COG5: variants seen among roughly 807,000 people sequenced by gnomAD.
The protein encoded by COG5 is conserved oligomeric Golgi complex subunit 5.
A neutral mutation model predicts 110.4 loss-of-function variants in COG5; 86 were observed. The ratio of observed to expected loss-of-function variants is 0.78; its 90% confidence interval spans 0.65 to 0.93. COG5 has a LOEUF of 0.93. Among genes scored for constraint, COG5 ranks in the 40% least tolerant of loss-of-function variants. The pLI is 0.00. For synonymous variants in COG5, 360 were observed against 334.6 expected, an observed-to-expected ratio of 1.08 and a Z score of -0.83; for missense variants, 1,077 against 987.0, an observed-to-expected ratio of 1.09 and a Z score of -1.22.
At chr7:107,454,178 C>A (rs1037454718) in intron 6 of COG5, among the ~76,000 whole-genome samples, 6 of 151,988 alleles carry the variant, frequency 3.9e-5, no homozygotes, top group Non-Finnish European at 5.9e-5. Context: ...AACACAGAAT[C>A]CAATATGATG....
chr7:107,295,216 C>T (rs1369994432), intron 12 of COG5, among the ~76,000 whole-genome samples: 1 of 147,436 alleles, frequency 6.8e-6, no homozygotes, highest in Non-Finnish European at 1.5e-5. Context: ...GGATTATAGG[C>T]GTGAGCCACC....
At chr7:107,363,878 C>G (rs537470005) in intron 8 of COG5, among the ~76,000 whole-genome samples, 1 of 151,846 alleles carries the variant, frequency 6.6e-6, no homozygotes, top group Middle Eastern at 3.4e-3. Context: ...TTGCTTGAAC[C>G]CAGGAGGCGG....
At chr7:107,220,263 GA>G (rs561367484) in intron 19 of COG5, among the ~76,000 whole-genome samples, 13 of 152,180 alleles carry the variant, frequency 8.5e-5, no homozygotes, top group Non-Finnish European at 1.9e-4. Flanking sequence ...ACCTATCTGA[GA>G]AAACTAATGT....
intron 19 of COG5, among the ~76,000 whole-genome samples, chr7:107,222,854 A>G (rs1800041692): frequency 6.6e-6 from 1 of 152,216 alleles, no homozygotes; most frequent in Non-Finnish European, 1.5e-5. Context: ...CTTTACAGGC[A>G]GAAGGTAGTG....
At chr7:107,267,391 A>G (rs1300960585) in intron 14 of COG5, among the ~76,000 whole-genome samples, 2 of 152,214 alleles carry the variant, frequency 1.3e-5, no homozygotes, top group Non-Finnish European at 2.9e-5. Context: ...TGAACAGCAG[A>G]TAGAATTTCT....
At chr7:107,540,111 A>G (rs1801868819) in intron 5 of COG5, among the ~76,000 whole-genome samples, 1 of 152,236 alleles carries the variant, frequency 6.6e-6, no homozygotes, top group African/African-American at 2.4e-5. Flanking sequence ...GGTTGTGCAG[A>G]TAAGCAGAAA....
At position 107,518,908 on chromosome 7, in the gene COG5, A is replaced by C. The variant is rs115368185; in HGVS notation, c.538+8329T>G. ...TTCTAAAATCAACCTCATAATTGGA[A>C]ATAAACACTTGTCAGCAAATGCAAA... On this transcript the variant is annotated intron_variant, in intron 6 of 21. Transcript: ENST00000297135. Among the ~76,000 whole-genome samples, 1,131 of 152,342 alleles carry C rather than the reference A, an allele frequency of 7.4e-3. 20 individuals are homozygous for C. The highest frequency in any genetic ancestry group is 0.026 in the African/African-American group (1,084 of 41,580).
chr7:107,536,724 G>C (rs546778487), intron 5 of COG5, among the ~76,000 whole-genome samples: 1 of 152,176 alleles, frequency 6.6e-6, no homozygotes, highest in Non-Finnish European at 1.5e-5. Context: ...TTCCCATCAA[G>C]CTACCATTGA....
At chr7:107,510,465 C>G (rs1327426950) in intron 6 of COG5, among the ~76,000 whole-genome samples, 1 of 152,140 alleles carries the variant, frequency 6.6e-6, no homozygotes, top group Non-Finnish European at 1.5e-5. Flanking sequence ...TTTAACAACC[C>G]ACTGTCAACA....
chr7:107,499,460 C>A (rs1033656813), intron 6 of COG5, among the ~76,000 whole-genome samples: 1 of 150,266 alleles, frequency 6.7e-6, no homozygotes, highest in African/African-American at 2.5e-5. Context: ...GGCTGGAGTG[C>A]AGTGGCACAA....
In COG5 at chr7:107,526,690, T is replaced by C. The variant is rs932668783; in HGVS notation, c.538+547A>G. Among the ~76,000 whole-genome samples the C allele has an allele frequency of 2.6e-5, 4 of 152,308 alleles. No individual in the cohort carries two copies. In the East Asian group the frequency reaches 5.8e-4, roughly 22 times the overall value. ...AACAAACTGCAGGCTACTCATACAA[T>C]GGTATTCAATCAAACACAAAGTAAC... On this transcript the variant is annotated intron_variant, in intron 6 of 21. Coordinates refer to ENST00000297135, the MANE Select transcript of COG5 (RefSeq NM_006348.5).
chr7:107,531,695 T>C (rs1263604508), intron 5 of COG5, among the ~76,000 whole-genome samples: 1 of 151,222 alleles, frequency 6.6e-6, no homozygotes, highest in African/African-American at 2.4e-5. Flanking sequence ...GATATCATTA[T>C]GAAATTGATT....
intron 13 of COG5, 45 bp downstream of exon 13, chr7:107,283,526 T>C: frequency 2.0e-6 from 3 of 1,508,884 alleles, no homozygotes; most frequent in African/African-American, 1.4e-5. Context: ...CACTAACAAA[T>C]ATGGCAGTCA....
chr7:107,528,752 T>C (rs1360675274), intron 5 of COG5, among the ~76,000 whole-genome samples: 1 of 152,158 alleles, frequency 6.6e-6, no homozygotes, highest in African/African-American at 2.4e-5. Flanking sequence ...AGAAAAATTC[T>C]ACATGGTGGC....
chr7:107,232,197 G>C (rs1391595419), intron 18 of COG5, among the ~76,000 whole-genome samples: 1 of 152,186 alleles, frequency 6.6e-6, no homozygotes, highest in Non-Finnish European at 1.5e-5. Context: ...AAGGATTCTT[G>C]CCAACAATGC....
intron 6 of COG5, among the ~76,000 whole-genome samples, chr7:107,444,064 G>T (rs1410499458): frequency 6.6e-6 from 1 of 152,138 alleles, no homozygotes; most frequent in East Asian, 1.9e-4. Flanking sequence ...ACTTACACAG[G>T]AACAGTTCCA....
intron 6 of COG5, among the ~76,000 whole-genome samples, chr7:107,443,204 A>G (rs1794824183): frequency 6.6e-6 from 1 of 152,168 alleles, no homozygotes; most frequent in Admixed American, 6.6e-5. Context: ...CACATGCTAC[A>G]ATGTGAAAGA....
intron 6 of COG5, among the ~76,000 whole-genome samples, chr7:107,508,060 C>T (rs75261023): frequency 2.0e-5 from 3 of 152,216 alleles, no homozygotes; most frequent in Admixed American, 6.5e-5. Flanking sequence ...GCACCATGCA[C>T]GAGCCGAAGC....
chr7:107,226,378 A>C (rs2116358415), intron 19 of COG5, among the ~76,000 whole-genome samples: 1 of 152,320 alleles, frequency 6.6e-6, no homozygotes, highest in South Asian at 2.1e-4. Context: ...TAATAAGAGT[A>C]AGCTTTTCAC....
Sources: gnomAD v4.1 joint callset for allele counts (sites outside exome capture counted in the v4.1 genomes callset) on GRCh38, gnomAD v4.1.1 for gene constraint, MANE v1.5 for transcripts, NCBI Gene and HGNC (gene_info 2026-07-23, HGNC 2026-07-21) for gene names.